The following SLC4A1AP variants were observed in gnomAD, a reference collection of about 807,000 sequenced individuals.
SLC4A1AP encodes the protein solute carrier family 4 member 1 adaptor protein.
In SLC4A1AP, 64 loss-of-function variants were observed where a neutral mutation model predicts 89.7. The observed-to-expected ratio is 0.71, with a 90% confidence interval of 0.58 to 0.88. The LOEUF is 0.88. Among genes scored for constraint, SLC4A1AP ranks in the 40% least tolerant of loss-of-function variants. The pLI is 0.00. For synonymous variants in SLC4A1AP, 366 were observed against 353.3 expected, an observed-to-expected ratio of 1.04 and a Z score of -0.40; for missense variants, 931 against 965.0, an observed-to-expected ratio of 0.96 and a Z score of 0.47.
At chr2:27,676,129 G>C (rs1266013572) in intron 6 of SLC4A1AP, among the ~76,000 whole-genome samples, 3 of 152,104 alleles carry the variant, frequency 2.0e-5, no homozygotes, top group African/African-American at 4.8e-5. Context: ...CGTGTTAATG[G>C]GTAGGTAACA....
intron 12 of SLC4A1AP, 129 bp downstream of exon 12, chr2:27,688,896 G>A (rs1337500413): frequency 5.0e-6 from 3 of 598,328 alleles, no homozygotes; most frequent in African/African-American, 1.9e-5. Flanking sequence ...TAGAAATCTA[G>A]ATTCTTTGAT....
chr2:27,668,811 T>C, intron 3 of SLC4A1AP, 32 bp from the exon 4 acceptor site: 1 of 1,599,148 alleles, frequency 6.3e-7, no homozygotes, highest in South Asian at 1.1e-5. Context: ...TTGGATTCTA[T>C]TAAAATTGTT....
chr2:27,682,411 C>A, intron 9 of SLC4A1AP, 52 bp downstream of exon 9: 1 of 1,121,758 alleles, frequency 8.9e-7, no homozygotes, highest in Non-Finnish European at 1.3e-6. Context: ...TATCCCTGAG[C>A]TAATTTTTCT....
At chr2:27,689,519 A>G (rs535183883) in intron 12 of SLC4A1AP, among the ~76,000 whole-genome samples, 4 of 152,354 alleles carry the variant, frequency 2.6e-5, no homozygotes, top group Admixed American at 2.6e-4. Context: ...GTCTTCCAGT[A>G]GAGTCACACA....
intron 12 of SLC4A1AP, chr2:27,692,344 G>A (rs1675801259): frequency 6.6e-6 from 1 of 152,050 alleles, no homozygotes; most frequent in Non-Finnish European, 1.5e-5. Context: ...AGTTTTATTC[G>A]ACTGTGGTCT....
At chr2:27,682,134 C>A in intron 8 of SLC4A1AP, 114 bp from the exon 9 acceptor site, 1 of 647,308 alleles carries the variant, frequency 1.5e-6, no homozygotes, top group Non-Finnish European at 2.7e-6. Flanking sequence ...CTTAGATATT[C>A]ATTTTGTGGT....
intron 2 of SLC4A1AP, among the ~76,000 whole-genome samples, chr2:27,665,725 G>C (rs1675307420): frequency 6.6e-6 from 1 of 152,124 alleles, no homozygotes; most frequent in Non-Finnish European, 1.5e-5. Flanking sequence ...CTGAAATGTG[G>C]AATATCTAAT....
chr2:27,674,026 G>A (rs1032641265), intron 5 of SLC4A1AP, among the ~76,000 whole-genome samples: 1 of 150,658 alleles, frequency 6.6e-6, no homozygotes, highest in Admixed American at 6.6e-5. Flanking sequence ...GTGTGTGTGT[G>A]TGTGTCTGTG....
chr2:27,666,720 A>G (rs1477538183), intron 2 of SLC4A1AP, among the ~76,000 whole-genome samples: 2 of 152,060 alleles, frequency 1.3e-5, no homozygotes, highest in Admixed American at 6.6e-5. Context: ...AGAAAAAAAA[A>G]TTAAGGTGCC....
rs550780044 is a variant in SLC4A1AP, at chr2:27,671,301, G to C, written c.1345+1914G>C. ...ATTTTAGACGTTACCTGTCGACTCT[G>C]CTAAATTAGTATTTAGTATTTACGT... On this transcript the variant is annotated intron_variant, in intron 5 of 13. Transcript: ENST00000613058. Among the ~76,000 whole-genome samples the C allele has an allele frequency of 3.3e-5, 5 of 152,272 alleles. No homozygotes were observed. In the South Asian group the frequency reaches 1.0e-3, roughly 32 times the overall value.
chr2:27,664,416 G>A, exon 1 of SLC4A1AP: 1 of 1,614,232 alleles, frequency 6.2e-7, no homozygotes. Context: ...CGGCCCTGAC[G>A]GAGAATGCGA....
chr2:27,685,365 C>G, intron 10 of SLC4A1AP, 88 bp downstream of exon 10: 2 of 1,506,570 alleles, frequency 1.3e-6, no homozygotes, highest in Non-Finnish European at 8.9e-7. Context: ...CAGTTCTTGT[C>G]TGTGCATTTG....
chr2:27,664,695 C>A, intron 1 of SLC4A1AP, 118 bp downstream of exon 1: 1 of 759,458 alleles, frequency 1.3e-6, no homozygotes, highest in Non-Finnish European at 2.1e-6. Context: ...GTGAAGGAAT[C>A]AAGTCTGGCC....
intron 6 of SLC4A1AP, among the ~76,000 whole-genome samples, chr2:27,677,053 C>T (rs1675535310): frequency 6.6e-6 from 1 of 151,862 alleles, no homozygotes; most frequent in African/African-American, 2.4e-5. Flanking sequence ...GCAGGAGAAT[C>T]GCTTGAACCC....
In SLC4A1AP at chr2:27,682,522, TTC is replaced by T. The variant is rs1307115973; in HGVS notation, c.1875+165_1875+166del. On this transcript the variant is annotated intron_variant, in intron 9 of 13. Coordinates refer to ENST00000613058, the Ensembl canonical transcript of SLC4A1AP. ...TCTTTCCCAGAACTTGGTTCTTGGA[TTC>T]TTTTTTTTTTTTTTTTTTGGAGACA... Among the ~76,000 whole-genome samples the T allele has an allele frequency of 1.8e-4, 9 of 51,376 alleles. 1 individual carries two copies. Among genetic ancestry groups the T allele is most frequent in the Non-Finnish European group, 2.2e-4 (3 of 13,708 alleles). The allele number at this position is 51,376 out of a possible 152,430, so 33.7% of individuals were successfully genotyped here.
At chr2:27,676,875 T>A (rs1347919699) in intron 6 of SLC4A1AP, among the ~76,000 whole-genome samples, 1 of 150,022 alleles carries the variant, frequency 6.7e-6, no homozygotes, top group Non-Finnish European at 1.5e-5. Flanking sequence ...GTGTGGTGGC[T>A]CACACCTGTA....
At chr2:27,671,718 C>T (rs1321144263) in intron 5 of SLC4A1AP, among the ~76,000 whole-genome samples, 2 of 152,176 alleles carry the variant, frequency 1.3e-5, no homozygotes, top group African/African-American at 4.8e-5. Context: ...CACAGTAGTA[C>T]ATCCTTCTGT....
intron 3 of SLC4A1AP, among the ~76,000 whole-genome samples, chr2:27,668,162 T>C (rs1675364356): frequency 6.6e-6 from 1 of 152,138 alleles, no homozygotes; most frequent in Admixed American, 6.5e-5. Context: ...TCTTTTTTTT[T>C]TTTTGAGACG....
chr2:27,688,757 G>C (rs1353485080), exon 12 of SLC4A1AP: 1 of 1,603,296 alleles, frequency 6.2e-7, no homozygotes, highest in African/African-American at 1.3e-5. Context: ...AAAACACCTG[G>C]TCCAGGCAAA....
Sources: allele counts gnomAD v4.1 joint callset (sites outside exome capture counted in the v4.1 genomes callset), GRCh38; gene constraint gnomAD v4.1.1; transcripts MANE v1.5; gene names NCBI Gene and HGNC (gene_info 2026-07-23, HGNC 2026-07-21).